Variants in DGKB observed in about 807,000 individuals in gnomAD.
DGKB encodes diacylglycerol kinase beta.
DGKB carries 67 observed loss-of-function variants against 114.3 expected under a neutral mutation model. That is an observed-to-expected ratio of 0.59 (90% confidence interval 0.48 to 0.72). DGKB has a LOEUF of 0.72. Ranked by LOEUF, DGKB falls within the 30% of genes least tolerant of loss-of-function variation. The probability of loss-of-function intolerance (pLI) is 0.00; values close to 1 mark genes in which losing one functional copy is unlikely to be tolerated. For missense variants in DGKB, 907 were observed against 975.2 expected (o/e 0.93, Z 0.93); for synonymous variants, 398 against 323.1 (o/e 1.23, Z -2.49).
chr7:14,970,070 G>C (rs1787369278), intron 1 of DGKB, among the ~76,000 whole-genome samples: 1 of 152,168 alleles, frequency 6.6e-6, no homozygotes. Context: ...AAATTTATGG[G>C]ATCAATAGAT....
chr7:14,900,483 T>C (rs932526774), intron 1 of DGKB, among the ~76,000 whole-genome samples: 5 of 152,112 alleles, frequency 3.3e-5, no homozygotes, highest in African/African-American at 1.2e-4. Flanking sequence ...TTCAAGCCTA[T>C]AGATCACATC....
chr7:14,754,141 CA>C (rs1311384594), intron 3 of DGKB, among the ~76,000 whole-genome samples, 193 bp from the exon 4 acceptor site: 1 of 152,032 alleles, frequency 6.6e-6, no homozygotes, highest in Non-Finnish European at 1.5e-5. Context: ...GATAGAAATG[CA>C]AATTCTTGAC....
At chr7:14,277,258 C>G (rs1304282577) in intron 23 of DGKB, among the ~76,000 whole-genome samples, 3 of 152,062 alleles carry the variant, frequency 2.0e-5, no homozygotes, top group African/African-American at 7.2e-5. Context: ...GCAACCTCCA[C>G]CTCCCAGGTT....
intron 23 of DGKB, among the ~76,000 whole-genome samples, chr7:14,302,182 G>C (rs1803679246): frequency 6.6e-6 from 1 of 152,072 alleles, no homozygotes; most frequent in Non-Finnish European, 1.5e-5. Context: ...GTTTAGGAAT[G>C]TATTCTTAGG....
At chr7:14,284,243 A>G (rs1800457499) in intron 23 of DGKB, among the ~76,000 whole-genome samples, 1 of 148,514 alleles carries the variant, frequency 6.7e-6, no homozygotes, top group Non-Finnish European at 1.5e-5. Context: ...TTATGCAGCC[A>G]AAAAACACAT....
At chr7:14,329,517 C>A (rs1055972515) in intron 23 of DGKB, among the ~76,000 whole-genome samples, 1 of 151,888 alleles carries the variant, frequency 6.6e-6, no homozygotes, top group Non-Finnish European at 1.5e-5. Context: ...TTTTTAATAT[C>A]AATAAATAAG....
intron 21 of DGKB, among the ~76,000 whole-genome samples, chr7:14,469,239 AG>A (rs1780925284): frequency 1.3e-5 from 2 of 152,104 alleles, no homozygotes; most frequent in Non-Finnish European, 2.9e-5. Flanking sequence ...CATTTATCTT[AG>A]ATTCTAAAAA....
chr7:14,627,304 G>A (rs191516260), intron 14 of DGKB, among the ~76,000 whole-genome samples: 3 of 152,026 alleles, frequency 2.0e-5, no homozygotes, highest in African/African-American at 2.4e-5. Flanking sequence ...ATGACAACTG[G>A]TCTTAAAGTA....
chr7:14,641,801 T>C (rs1286089760), intron 13 of DGKB, among the ~76,000 whole-genome samples: 3 of 152,122 alleles, frequency 2.0e-5, no homozygotes, highest in African/African-American at 4.8e-5. Flanking sequence ...TAAGCATTTT[T>C]TTATTACTCT....
chr7:14,613,261 T>A, intron 16 of DGKB, 79 bp downstream of exon 16: 1 of 790,048 alleles, frequency 1.3e-6, no homozygotes, highest in South Asian at 1.8e-5. Context: ...TAATTGTTTT[T>A]AAGCATTTTT....
rs568182293 is a variant in DGKB, at chr7:14,719,272, G to C, written c.323-587C>G. ...CTCTGGATAAACATGATGGATATTA[G>C]AGAGGTAAAAACATATGAGTGGTTT... On this transcript the variant is annotated intron_variant, in intron 5 of 25. Transcript: ENST00000402815. Among the ~76,000 whole-genome samples the C allele has an allele frequency of 3.3e-5, 5 of 152,268 alleles. No individual in the cohort carries two copies. In the South Asian group the frequency reaches 6.2e-4, roughly 19 times the overall value.
rs1363108109 is a variant in DGKB at position 14,682,640 on chromosome 7, G to C, written c.948C>G (p.Asn316Lys). The C allele has an allele frequency of 6.2e-7, 1 of 1,613,498 alleles. No homozygotes were observed. Among genetic ancestry groups the C allele is most frequent in the East Asian group, 2.2e-5 (1 of 44,862 alleles). The change falls in exon 12 of 26, where the codon AAC becomes AAG. Residue 316 changes from asparagine (N) to lysine (K), a missense_variant. Coordinates refer to ENST00000402815, the MANE Select transcript of DGKB (RefSeq NM_001350709.2). ...GGCACTTATCACACTTGGTTGGGCA[G>C]TTACCTTCAACCCAGTAATGGTGCA... Reference protein sequence around the residue: ...DVMHHYWVEGNCPTKCDKCHK... With the variant: ...DVMHHYWVEGKCPTKCDKCHK...
intron 13 of DGKB, among the ~76,000 whole-genome samples, chr7:14,654,852 A>G (rs1216584703): frequency 6.6e-6 from 1 of 151,962 alleles, no homozygotes; most frequent in Non-Finnish European, 1.5e-5. Flanking sequence ...CCAGATCCCC[A>G]TCTTTCACCA....
chr7:14,691,932 A>G (rs1242669526), intron 9 of DGKB, among the ~76,000 whole-genome samples: 1 of 152,040 alleles, frequency 6.6e-6, no homozygotes, highest in Non-Finnish European at 1.5e-5. Context: ...CATAAAAAAT[A>G]AGTTTACAAA....
intron 21 of DGKB, among the ~76,000 whole-genome samples, chr7:14,401,234 C>T (rs1051088296): frequency 3.3e-5 from 5 of 151,874 alleles, no homozygotes; most frequent in Admixed American, 2.0e-4. Flanking sequence ...CTTATCTAAA[C>T]AGTTCAGATC....
intron 17 of DGKB, among the ~76,000 whole-genome samples, chr7:14,597,716 G>A (rs1039019306): frequency 2.6e-5 from 4 of 151,974 alleles, no homozygotes; most frequent in Non-Finnish European, 5.9e-5. Context: ...TTTTTACAGG[G>A]TTTTATTACT....
chr7:14,720,591 C>T (rs888980266), intron 5 of DGKB, among the ~76,000 whole-genome samples: 4 of 151,842 alleles, frequency 2.6e-5, no homozygotes, highest in East Asian at 1.9e-4. Flanking sequence ...GATCCATCCA[C>T]GTCGGCCTCC....
At chr7:14,415,603 T>C (rs1190194728) in intron 21 of DGKB, among the ~76,000 whole-genome samples, 1 of 150,624 alleles carries the variant, frequency 6.6e-6, no homozygotes, top group East Asian at 1.9e-4. Flanking sequence ...CATGAACTCA[T>C]CCTTTTTTAT....
At chr7:14,314,875 C>T (rs1456692388) in intron 23 of DGKB, among the ~76,000 whole-genome samples, 1 of 151,694 alleles carries the variant, frequency 6.6e-6, no homozygotes, top group Non-Finnish European at 1.5e-5. Context: ...TTAAGGGCAG[C>T]CAGAGAGAAA....
Sources: gnomAD v4.1 joint callset for allele counts (sites outside exome capture counted in the v4.1 genomes callset) on GRCh38, gnomAD v4.1.1 for gene constraint, MANE v1.5 for transcripts, NCBI Gene and HGNC (gene_info 2026-07-23, HGNC 2026-07-21) for gene names.